CACNA2D3: variants seen among roughly 807,000 people sequenced by gnomAD.
CACNA2D3 encodes the protein calcium voltage-gated channel auxiliary subunit alpha2delta 3, also known as voltage-dependent calcium channel subunit alpha-2/delta-3.
CACNA2D3 carries 60 observed loss-of-function variants against 160.6 expected under a neutral mutation model. That is an observed-to-expected ratio of 0.37 (90% CI 0.30 to 0.46). The LOEUF (loss-of-function observed/expected upper bound fraction) is 0.46. Ranked by LOEUF, CACNA2D3 falls within the 20% of genes least tolerant of loss-of-function variation. CACNA2D3 has a pLI of 1.00. For synonymous variants in CACNA2D3, 558 were observed against 492.9 expected, an observed-to-expected ratio of 1.13 and a Z score of -1.75; for missense variants, 1,205 against 1,365.0, an observed-to-expected ratio of 0.88 and a Z score of 1.85.
At chr3:54,849,804 T>A (rs1320154859) in intron 17 of CACNA2D3, among the ~76,000 whole-genome samples, 1 of 152,168 alleles carries the variant, frequency 6.6e-6, no homozygotes, top group Non-Finnish European at 1.5e-5. Context: ...TTAAAATAAC[T>A]CCTATTCCCT....
chr3:54,521,975 G>T (rs1385400305), intron 5 of CACNA2D3, among the ~76,000 whole-genome samples: 1 of 152,122 alleles, frequency 6.6e-6, no homozygotes, highest in Non-Finnish European at 1.5e-5. Flanking sequence ...GCAAGTATGA[G>T]TCCTCTGATT....
intron 27 of CACNA2D3, chr3:54,924,708 A>G (rs1209304177): frequency 6.2e-7 from 1 of 1,614,146 alleles, no homozygotes; most frequent in Non-Finnish European, 8.5e-7. Flanking sequence ...TAAAAGCCTC[A>G]CACTGGGCAT....
At chr3:54,949,395 G>C (rs1032441695) in intron 27 of CACNA2D3, among the ~76,000 whole-genome samples, 7 of 152,160 alleles carry the variant, frequency 4.6e-5, no homozygotes, top group African/African-American at 1.7e-4. Context: ...AGTAACAGCT[G>C]TCTATTATTC....
At chr3:54,840,243 C>A (rs1480904713) in intron 16 of CACNA2D3, among the ~76,000 whole-genome samples, 1 of 152,044 alleles carries the variant, frequency 6.6e-6, no homozygotes, top group Non-Finnish European at 1.5e-5. Flanking sequence ...TCCATTTCTC[C>A]AAGCTTCCTC....
intron 4 of CACNA2D3, among the ~76,000 whole-genome samples, chr3:54,429,954 G>A (rs2106770611): frequency 6.6e-6 from 1 of 152,286 alleles, no homozygotes; most frequent in Admixed American, 6.5e-5. Flanking sequence ...ATTCCCTGAT[G>A]ATAATCTGAC....
chr3:54,215,306 C>T (rs1201714730), intron 2 of CACNA2D3, among the ~76,000 whole-genome samples: 1 of 152,236 alleles, frequency 6.6e-6, no homozygotes, highest in Non-Finnish European at 1.5e-5. Context: ...ATTAACATCT[C>T]CATCACCTCA....
chr3:54,221,846 T>TC (rs1463808544), intron 2 of CACNA2D3, among the ~76,000 whole-genome samples: 2 of 152,102 alleles, frequency 1.3e-5, no homozygotes, highest in Non-Finnish European at 2.9e-5. Flanking sequence ...TATTTTTTTT[T>TC]CTGAAAAAAA....
intron 9 of CACNA2D3, among the ~76,000 whole-genome samples, chr3:54,614,634 A>G (rs1331124738): frequency 7.2e-5 from 11 of 152,112 alleles, no homozygotes; most frequent in Admixed American, 7.2e-4. Context: ...AAATACAGAG[A>G]TAATAGAGTG....
At chr3:54,513,600 A>C (rs559577632) in intron 5 of CACNA2D3, among the ~76,000 whole-genome samples, 1 of 152,326 alleles carries the variant, frequency 6.6e-6, no homozygotes, top group East Asian at 1.9e-4. Context: ...CGGGCTCCAC[A>C]CTGCCTCCCT....
In CACNA2D3 at chr3:54,145,428, G is replaced by A. The variant is rs76166895; in HGVS notation, c.204+21834G>A. Among the ~76,000 whole-genome samples the A allele has an allele frequency of 7.1e-3, 1,078 of 152,282 alleles. 16 individuals carry two copies. Among genetic ancestry groups the A allele is most frequent in the African/African-American group, 0.025 (1,040 of 41,544 alleles). On this transcript the variant is annotated intron_variant, in intron 2 of 37. Transcript: ENST00000474759. ...TCTTTACTGCTAGCTTGAAAAATGG[G>A]GAGCTCTAGACACTGTAAAGAATTG...
At chr3:54,264,867 G>A (rs1223735977) in intron 2 of CACNA2D3, among the ~76,000 whole-genome samples, 1 of 152,158 alleles carries the variant, frequency 6.6e-6, no homozygotes, top group African/African-American at 2.4e-5. Flanking sequence ...ACTTTGCTGA[G>A]AATGATGGTT....
chr3:54,451,610 T>C (rs1248983736), intron 4 of CACNA2D3, among the ~76,000 whole-genome samples: 2 of 152,156 alleles, frequency 1.3e-5, no homozygotes, highest in African/African-American at 4.8e-5. Context: ...ACGCTCTTGG[T>C]GTTCTCTCCA....
chr3:54,144,950 G>A (rs1205172494), intron 2 of CACNA2D3, among the ~76,000 whole-genome samples: 1 of 152,172 alleles, frequency 6.6e-6, no homozygotes, highest in Admixed American at 6.5e-5. Flanking sequence ...AAGATATTCA[G>A]AGATTAGTTG....
intron 17 of CACNA2D3, among the ~76,000 whole-genome samples, chr3:54,867,294 G>C (rs1454253583): frequency 6.6e-6 from 1 of 152,070 alleles, no homozygotes; most frequent in Non-Finnish European, 1.5e-5. Context: ...GGGCGAGGGG[G>C]AGTAGGCAAG....
chr3:54,784,580 T>G (rs1702598753), intron 13 of CACNA2D3, among the ~76,000 whole-genome samples: 1 of 152,198 alleles, frequency 6.6e-6, no homozygotes. Context: ...CAGTCTTATA[T>G]TCAAACATAG....
chr3:54,482,124 A>G (rs1317343784), intron 4 of CACNA2D3, among the ~76,000 whole-genome samples: 2 of 152,220 alleles, frequency 1.3e-5, no homozygotes, highest in African/African-American at 4.8e-5. Context: ...TTCTTTCCAT[A>G]ATAATTGAAG....
chr3:54,589,653 G>A (rs2106753400), intron 9 of CACNA2D3, among the ~76,000 whole-genome samples: 1 of 152,188 alleles, frequency 6.6e-6, no homozygotes, highest in African/African-American at 2.4e-5. Flanking sequence ...CAAAGCAGAT[G>A]TCCACATGTC....
intron 11 of CACNA2D3, among the ~76,000 whole-genome samples, chr3:54,658,775 C>T (rs1242742686): frequency 6.6e-6 from 1 of 151,888 alleles, no homozygotes; most frequent in Non-Finnish European, 1.5e-5. Context: ...CCAAAGATCC[C>T]CCCAAACCTC....
chr3:54,799,578 G>A (rs1702938969), intron 13 of CACNA2D3, among the ~76,000 whole-genome samples: 1 of 152,124 alleles, frequency 6.6e-6, no homozygotes, highest in African/African-American at 2.4e-5. Flanking sequence ...TGCAGTAATG[G>A]CTTCATTGCA....
Sources: allele counts gnomAD v4.1 joint callset (sites outside exome capture counted in the v4.1 genomes callset), GRCh38; gene constraint gnomAD v4.1.1; transcripts MANE v1.5; gene names NCBI Gene and HGNC (gene_info 2026-07-23, HGNC 2026-07-21).